Variants in BAHCC1 observed in about 807,000 individuals in gnomAD.
BAHCC1 encodes the protein BAH domain and coiled-coil containing 1.
BAHCC1 carries 43 observed loss-of-function variants against 88.2 expected under a neutral mutation model. That is an observed-to-expected ratio of 0.49 (90% CI 0.38 to 0.63). BAHCC1 has a LOEUF of 0.63. Among genes scored for constraint, BAHCC1 ranks in the 20% least tolerant of loss-of-function variants. The pLI is 0.00. For missense variants in BAHCC1, 3,023 were observed against 1,654.8 expected, an observed-to-expected ratio of 1.83 and a Z score of -14.34; for synonymous variants, 1,510 against 745.5, an observed-to-expected ratio of 2.03 and a Z score of -16.71.
intron 2 of BAHCC1, among the ~76,000 whole-genome samples, chr17:81,420,954 G>A (rs375370305): frequency 1.3e-5 from 2 of 152,368 alleles, no homozygotes; most frequent in African/African-American, 4.8e-5. Flanking sequence ...CGGAGCACTT[G>A]GGGCTATGGG....
chr17:81,462,508 C>G (rs1004944445), intron 26 of BAHCC1: 1 of 567,224 alleles, frequency 1.8e-6, no homozygotes, highest in Admixed American at 3.4e-5. Context: ...ATCCAGTGTC[C>G]AGACGTCATG....
chr17:81,433,990 G>A (rs72853239), intron 3 of BAHCC1, among the ~76,000 whole-genome samples: 7,403 of 152,288 alleles, frequency 0.049, 270 homozygotes, highest in Middle Eastern at 0.12. Flanking sequence ...GTGGCTGCAC[G>A]GCAGGGACGT....
intron 2 of BAHCC1, among the ~76,000 whole-genome samples, chr17:81,404,866 C>T (rs1170452226): frequency 6.6e-6 from 1 of 152,054 alleles, no homozygotes; most frequent in South Asian, 2.1e-4. Context: ...AGGCAGGGAC[C>T]GGAGAACAGT....
chr17:81,429,497 T>C (rs2143428921), intron 3 of BAHCC1, among the ~76,000 whole-genome samples: 1 of 152,206 alleles, frequency 6.6e-6, no homozygotes, highest in Non-Finnish European at 1.5e-5. Flanking sequence ...GGTGAGAGGC[T>C]GGCTGGCTGC....
intron 3 of BAHCC1, among the ~76,000 whole-genome samples, chr17:81,436,426 G>A (rs956287815): frequency 3.9e-5 from 6 of 152,376 alleles, no homozygotes; most frequent in African/African-American, 1.4e-4. Context: ...GGGGGACCGG[G>A]GCTCCGTGCC....
intron 5 of BAHCC1, 101 bp downstream of exon 5, chr17:81,443,665 G>A (rs1299188630): frequency 1.6e-6 from 1 of 633,408 alleles, no homozygotes; most frequent in African/African-American, 1.8e-5. Flanking sequence ...ACCTGCCCTT[G>A]GCAGACCCTC....
intron 2 of BAHCC1, among the ~76,000 whole-genome samples, chr17:81,409,804 G>A (rs78621784): frequency 6.6e-6 from 1 of 152,232 alleles, no homozygotes; most frequent in African/African-American, 2.4e-5. Context: ...AGGCTGGGCT[G>A]TGCCAGCGAG....
chr17:81,399,992 G>T lies in BAHCC1; in HGVS notation c.178+75G>T. ...ACAGGGCGCCCACCCCTCCGCTCCC[G>T]GGAGCAGAGAAGCTTTGGTTTCATT... On this transcript the variant is annotated intron_variant, in intron 2 of 27. Coordinates refer to ENST00000675386, the MANE Select transcript of BAHCC1 (RefSeq NM_001377448.1). This position sits in a 1 kb window ranked among gnomAD's most constrained non-coding sequence, Gnocchi z 4.5. 1 of 1,185,246 alleles carries T rather than the reference G, an allele frequency of 8.4e-7. No homozygotes were observed. Among genetic ancestry groups the T allele is most frequent in the Non-Finnish European group, 1.1e-6 (1 of 933,030 alleles). The allele number at this position is 1,185,246 out of a possible 1,614,324, so 73.4% of individuals were successfully genotyped here. A position where few individuals can be genotyped will look rare whatever the true frequency, so the allele number is the denominator to read the frequency against.
rs781907542 is a variant in BAHCC1, at chr17:81,458,799, C to A, written c.5449-14C>A. ...GCCTGCACCCCACCCAAGCCTGACT[C>A]CTCTGGCCCCCAGGGCAAGGGCCGG... On this transcript the variant is annotated splice_polypyrimidine_tract_variant and intron_variant, in intron 19 of 27. Coordinates refer to ENST00000675386, the MANE Select transcript of BAHCC1 (RefSeq NM_001377448.1). 1 of 762,216 alleles carries A rather than the reference C, an allele frequency of 1.3e-6. No homozygotes were observed. The highest frequency in any genetic ancestry group is 1.4e-5 in the South Asian group (1 of 73,050). 47.2% of individuals were successfully genotyped at this position (762,216 alleles called of 1,614,324 possible). A position where few individuals can be genotyped will look rare whatever the true frequency, so the allele number is the denominator to read the frequency against.
rs1555660705 is a variant in BAHCC1 at position 81,465,923 on chromosome 17, A to C, written c.*2106A>C. On this transcript the variant is annotated 3_prime_UTR_variant, in exon 28 of 28. Transcript: ENST00000675386. ...TGCTTGAGGCTCGGGGATCAGAACG[A>C]TGTCAAGTGAAGAAAAATGCACGGG... The C allele has an allele frequency of 6.6e-6, 1 of 152,452 alleles. No homozygotes were observed. Among genetic ancestry groups the C allele is most frequent in the African/African-American group, 2.4e-5 (1 of 41,430 alleles). 9.4% of individuals were successfully genotyped at this position (152,452 alleles called of 1,614,324 possible). A position where few individuals can be genotyped will look rare whatever the true frequency, so the allele number is the denominator to read the frequency against.
In BAHCC1 at chr17:81,411,498, GCCTGCCTGCCTGCCTGCCTTCCTTCCTT is replaced by G. The variant is rs1567997979; in HGVS notation, c.178+11585_178+11612del. ...CCCCTGCCTGCCTGCCTGCCTGCCT[GCCTGCCTGCCTGCCTGCCTTCCTTCCTT>G]CCTTCCTTCCTTCCTTCCTTCCTTC... is the stretch of plus-strand genomic sequence containing the variant. On this transcript the variant is annotated intron_variant, in intron 2 of 27. Coordinates refer to ENST00000675386, the MANE Select transcript of BAHCC1 (RefSeq NM_001377448.1). The surrounding 1 kb of genome is among the most constrained non-coding windows in gnomAD (Gnocchi z 6.2). 11 of 310,810 alleles carry G rather than the reference GCCTGCCTGCCTGCCTGCCTTCCTTCCTT, an allele frequency of 3.5e-5. No homozygotes were observed. The highest frequency in any genetic ancestry group is 7.2e-5 in the African/African-American group (2 of 27,800). 19.3% of individuals were successfully genotyped at this position (310,810 alleles called of 1,614,324 possible).
chr17:81,458,774 G>C (rs181578326), intron 19 of BAHCC1, 39 bp from the exon 20 acceptor site: 59 of 754,490 alleles, frequency 7.8e-5, no homozygotes, highest in Admixed American at 2.3e-4. Flanking sequence ...CCTGCACCCC[G>C]CCTGCACCCC....
intron 16 of BAHCC1, 52 bp from the exon 17 acceptor site, chr17:81,457,358 C>A: frequency 1.4e-6 from 1 of 727,742 alleles, no homozygotes; most frequent in East Asian, 2.6e-5. Context: ...CCCCACCTCT[C>A]AATGGCACAG....
chr17:81,419,517 G>A (rs554841385), intron 2 of BAHCC1, among the ~76,000 whole-genome samples: 3 of 152,342 alleles, frequency 2.0e-5, no homozygotes, highest in South Asian at 2.1e-4. Context: ...CCATCACTCC[G>A]TTCCCAGCCA....
At chr17:81,460,007 C>T (rs1003937879) in intron 23 of BAHCC1, among the ~76,000 whole-genome samples, 7 of 152,060 alleles carry the variant, frequency 4.6e-5, no homozygotes, top group Non-Finnish European at 1.0e-4. Flanking sequence ...CGGGACTCGG[C>T]TGGGAGGTGG....
At chr17:81,444,250 G>C in intron 6 of BAHCC1, 131 bp from the exon 7 acceptor site, 1 of 627,494 alleles carries the variant, frequency 1.6e-6, no homozygotes, top group Non-Finnish European at 2.9e-6. Flanking sequence ...CAGGGGGTGG[G>C]ACAGGGAGTC....
chr17:81,429,012 A>G (rs1236598099), intron 3 of BAHCC1, among the ~76,000 whole-genome samples: 1 of 152,116 alleles, frequency 6.6e-6, no homozygotes, highest in Non-Finnish European at 1.5e-5. Flanking sequence ...GGAGGAGAGG[A>G]CAGTGCCCAC....
Position 81,445,127 on chromosome 17 carries a change from C to A in BAHCC1, c.2784C>A (p.Leu928=), listed in dbSNP as rs1184007293. ...QLPVYSRPQL[L]RQQELYALQQ... is the part of the protein sequence containing the mutation. ...CTGTGTACTCGAGGCCGCAGCTCCT[C>A]CGGCAGCAGGAGCTCTATGCTTTGC... Residue 928 remains leucine (L), a synonymous_variant, in exon 9 of 28, where the codon CTC becomes CTA. Coordinates refer to ENST00000675386, the MANE Select transcript of BAHCC1 (RefSeq NM_001377448.1). 4 of 773,844 alleles carry A rather than the reference C, an allele frequency of 5.2e-6. No homozygotes were observed. In the East Asian group the frequency reaches 9.8e-5, roughly 19 times the overall value. 47.9% of individuals were successfully genotyped at this position (773,844 alleles called of 1,614,324 possible).
At position 81,465,901 on chromosome 17, in the gene BAHCC1, T is replaced by C. The variant is rs1555660699; in HGVS notation, c.*2084T>C. ...GGGAGGTGGTTGGACGAGGTCCTGC[T>C]TGAGGCTCGGGGATCAGAACGATGT... On this transcript the variant is annotated 3_prime_UTR_variant, in exon 28 of 28. Coordinates refer to ENST00000675386, the MANE Select transcript of BAHCC1 (RefSeq NM_001377448.1). 3 of 152,576 alleles carry C rather than the reference T, an allele frequency of 2.0e-5. No individual in the cohort carries two copies. Among genetic ancestry groups the C allele is most frequent in the African/African-American group, 7.2e-5 (3 of 41,454 alleles). The allele number at this position is 152,576 out of a possible 1,614,324, so 9.5% of individuals were successfully genotyped here. A position where few individuals can be genotyped will look rare whatever the true frequency, so the allele number is the denominator to read the frequency against.
Sources: gnomAD v4.1 joint callset for allele counts (sites outside exome capture counted in the v4.1 genomes callset) on GRCh38, gnomAD v4.1.1 for gene constraint, Gnocchi (gnomAD v3.1) non-coding constraint, MANE v1.5 for transcripts, NCBI Gene and HGNC (gene_info 2026-07-23, HGNC 2026-07-21) for gene names.